TMEM170B: variants seen among roughly 807,000 people sequenced by gnomAD.
TMEM170B encodes the protein transmembrane protein 170B.
TMEM170B carries 6 observed loss-of-function variants against 13.0 expected under a neutral mutation model. The ratio of observed to expected loss-of-function variants is 0.46; its 90% CI spans 0.25 to 0.91. TMEM170B has a LOEUF of 0.91. Ranked by LOEUF, TMEM170B falls within the 40% of genes least tolerant of loss-of-function variation. TMEM170B has a pLI of 0.17. For missense variants in TMEM170B, 138 were observed against 165.2 expected, an observed-to-expected ratio of 0.84 and a Z score of 0.90; for synonymous variants, 61 against 64.9, an observed-to-expected ratio of 0.94 and a Z score of 0.29.
intron 1 of TMEM170B, among the ~76,000 whole-genome samples, chr6:11,547,145 A>C (rs547372503): frequency 2.0e-5 from 3 of 152,366 alleles, no homozygotes; most frequent in Admixed American, 6.5e-5. Context: ...GCACATATAC[A>C]TACTACATCA....
chr6:11,546,316 A>G (rs1398591257), intron 1 of TMEM170B, among the ~76,000 whole-genome samples: 1 of 152,180 alleles, frequency 6.6e-6, no homozygotes, highest in African/African-American at 2.4e-5. Flanking sequence ...ATACAGCTGT[A>G]CAATGTATTT....
In TMEM170B at chr6:11,577,995, A is replaced by C. The variant is rs1228374919; in HGVS notation, c.*2434A>C. ...TTTAAAAAGTTAGTAGCTTTCCTAT[A>C]GACACAAGAAATGTTTAATGATATA... On this transcript the variant is annotated 3_prime_UTR_variant, in exon 3 of 3. Coordinates refer to ENST00000379426, the MANE Select transcript of TMEM170B (RefSeq NM_001100829.3). The C allele has an allele frequency of 6.6e-6, 1 of 152,132 alleles. No individual in the cohort carries two copies. The highest frequency in any genetic ancestry group is 2.4e-5 in the African/African-American group (1 of 41,448). The allele number at this position is 152,132 out of a possible 1,614,324, so 9.4% of individuals were successfully genotyped here. A position where few individuals can be genotyped will look rare whatever the true frequency, so the allele number is the denominator to read the frequency against.
intron 1 of TMEM170B, among the ~76,000 whole-genome samples, chr6:11,562,823 T>C (rs892103262): frequency 2.0e-5 from 3 of 152,196 alleles, no homozygotes; most frequent in African/African-American, 7.2e-5. Context: ...ATCACTTACA[T>C]GTATATCCAC....
At chr6:11,551,761 A>G (rs983600450) in intron 1 of TMEM170B, among the ~76,000 whole-genome samples, 9 of 152,182 alleles carry the variant, frequency 5.9e-5, no homozygotes, top group African/African-American at 2.2e-4. Flanking sequence ...GAACCAGGCA[A>G]TGGAACTGTG....
chr6:11,552,354 T>C (rs1016961749), intron 1 of TMEM170B, among the ~76,000 whole-genome samples: 1 of 152,264 alleles, frequency 6.6e-6, no homozygotes, highest in African/African-American at 2.4e-5. Flanking sequence ...AATTTATCTT[T>C]TGAGAATGTT....
At chr6:11,546,072 G>A (rs1171975925) in intron 1 of TMEM170B, among the ~76,000 whole-genome samples, 1 of 150,238 alleles carries the variant, frequency 6.7e-6, no homozygotes, top group African/African-American at 2.4e-5. Context: ...GATCCTTCAG[G>A]AGCCATTCCA....
rs1331483894 is a variant in TMEM170B, at chr6:11,576,176, GTCT to G, written c.*620_*622del. The stretch of plus-strand genomic sequence containing the variant: ...GTTATTTAATTGATGTGGAAGATAA[GTCT>G]TCTTAACTGAAGACTAGCTCAACTG... On this transcript the variant is annotated 3_prime_UTR_variant, in exon 3 of 3. Transcript: ENST00000379426. The G allele has an allele frequency of 3.9e-5, 6 of 152,346 alleles. No individual in the cohort carries two copies. The highest frequency in any genetic ancestry group is 1.4e-4 in the African/African-American group (6 of 41,570). 9.4% of individuals were successfully genotyped at this position (152,346 alleles called of 1,614,324 possible). A position where few individuals can be genotyped will look rare whatever the true frequency, so the allele number is the denominator to read the frequency against.
intron 1 of TMEM170B, among the ~76,000 whole-genome samples, chr6:11,549,891 A>G (rs1042249090): frequency 1.1e-4 from 16 of 152,160 alleles, no homozygotes; most frequent in African/African-American, 3.9e-4. Flanking sequence ...AAAAATGAAA[A>G]TAGCTTTGAG....
At position 11,576,934 on chromosome 6, in the gene TMEM170B, A is replaced by G. The variant is rs1759881875; in HGVS notation, c.*1373A>G. On this transcript the variant is annotated 3_prime_UTR_variant, in exon 3 of 3. Coordinates refer to ENST00000379426, the MANE Select transcript of TMEM170B (RefSeq NM_001100829.3). ...TCTGGCAATACGTAATTGTAAGAGT[A>G]TAGGAAGTAGGGTTGAACTGGTCTC... is the stretch of plus-strand genomic sequence containing the variant. The G allele has an allele frequency of 6.6e-6, 1 of 152,138 alleles. No individual in the cohort carries two copies. The highest frequency in any genetic ancestry group is 1.5e-5 in the Non-Finnish European group (1 of 67,976). 9.4% of individuals were successfully genotyped at this position (152,138 alleles called of 1,614,324 possible).
At chr6:11,540,972 A>G (rs1340468356) in intron 1 of TMEM170B, among the ~76,000 whole-genome samples, 2 of 152,096 alleles carry the variant, frequency 1.3e-5, no homozygotes, top group African/African-American at 2.4e-5. Context: ...AAATGAAAGG[A>G]ATCTTTTTTT....
chr6:11,561,129 T>A (rs1180771754), intron 1 of TMEM170B, among the ~76,000 whole-genome samples: 1 of 152,222 alleles, frequency 6.6e-6, no homozygotes, highest in Non-Finnish European at 1.5e-5. Flanking sequence ...ATTTCTGAGA[T>A]ACGTTCTGGA....
chr6:11,562,490 A>C (rs1034049376), intron 1 of TMEM170B, among the ~76,000 whole-genome samples: 22 of 151,608 alleles, frequency 1.5e-4, no homozygotes, highest in African/African-American at 5.3e-4. Flanking sequence ...ATAATTTCAA[A>C]TTGCATGAGT....
At chr6:11,567,693 T>C (rs1428900626) in intron 2 of TMEM170B, among the ~76,000 whole-genome samples, 8 of 152,258 alleles carry the variant, frequency 5.3e-5, no homozygotes, top group Admixed American at 2.6e-4. Flanking sequence ...TTTGATGATA[T>C]GGATGGTACC....
chr6:11,553,127 C>G (rs996965099), intron 1 of TMEM170B, among the ~76,000 whole-genome samples: 1 of 151,998 alleles, frequency 6.6e-6, no homozygotes, highest in African/African-American at 2.4e-5. Context: ...ATTCTAGGAC[C>G]GCTGCATATA....
intron 2 of TMEM170B, among the ~76,000 whole-genome samples, chr6:11,567,577 T>C (rs1167234916): frequency 6.6e-6 from 1 of 152,210 alleles, no homozygotes; most frequent in African/African-American, 2.4e-5. Flanking sequence ...AAAATACTTG[T>C]GGGAAATGGG....
Position 11,574,544 on chromosome 6 carries a change from A to G in TMEM170B, c.269-887A>G, listed in dbSNP as rs189551212. Among the ~76,000 whole-genome samples, 7 of 152,226 alleles carry G rather than the reference A, an allele frequency of 4.6e-5. No individual in the cohort carries two copies. The East Asian group carries it at 1.4e-3, about 29-fold the overall frequency. ...TTGTCTTATGTTCTTTTATCTAACC[A>G]TTTTAGGATATATAGACAGTTTTTC... On this transcript the variant is annotated intron_variant, in intron 2 of 2. Transcript: ENST00000379426.
intron 1 of TMEM170B, among the ~76,000 whole-genome samples, chr6:11,547,181 G>A (rs1759451418): frequency 6.6e-6 from 1 of 152,066 alleles, no homozygotes; most frequent in Non-Finnish European, 1.5e-5. Flanking sequence ...CATTATAGTT[G>A]CTAAGCCATT....
In TMEM170B at chr6:11,565,721, T is replaced by C; in HGVS notation, c.153T>C (p.Gly51=). The C allele has an allele frequency of 1.2e-6, 2 of 1,614,204 alleles. No homozygotes were observed. ...TCTTCTCTTCTCTGTTTGTCCATGGTGCTGCAGGAGTGTTGATGTTTGTGA... is the reference window on the plus strand; with the variant it reads ...TCTTCTCTTCTCTGTTTGTCCATGGCGCTGCAGGAGTGTTGATGTTTGTGA... ...WALFSSLFVH[G]AAGVLMFVML... is the part of the protein sequence containing the mutation. Residue 51 remains glycine (G), a synonymous_variant, in exon 2 of 3, where the codon GGT becomes GGC. Coordinates refer to ENST00000379426, the MANE Select transcript of TMEM170B (RefSeq NM_001100829.3).
intron 1 of TMEM170B, among the ~76,000 whole-genome samples, chr6:11,550,388 GTC>G (rs1759509323): frequency 6.6e-6 from 1 of 151,748 alleles, no homozygotes. Context: ...GGTCAGGCTG[GTC>G]TCGAACTCCT....
Sources: allele counts gnomAD v4.1 joint callset (sites outside exome capture counted in the v4.1 genomes callset), GRCh38; gene constraint gnomAD v4.1.1; transcripts MANE v1.5; gene names NCBI Gene and HGNC (gene_info 2026-07-23, HGNC 2026-07-21).